Variants in QTMAN observed in about 807,000 individuals in gnomAD.
The protein encoded by QTMAN is queuosine-tRNA mannosyltransferase.
the QTMAN span, among the ~76,000 whole-genome samples, chr2:144,104,864 G>C: frequency 2.0e-5 from 3 of 152,218 alleles, no homozygotes; most frequent in Admixed American, 1.3e-4. Flanking sequence ...CCCCAGTAGG[G>C]GCAGACTGAC....
At chr2:144,087,240 T>C in the QTMAN span, among the ~76,000 whole-genome samples, 6 of 152,230 alleles carry the variant, frequency 3.9e-5, no homozygotes, top group East Asian at 1.2e-3. Context: ...TAGACAAATT[T>C]CTTGAGAAAA....
At chr2:144,305,015 T>C in the QTMAN span, among the ~76,000 whole-genome samples, 1 of 152,236 alleles carries the variant, frequency 6.6e-6, no homozygotes, top group Non-Finnish European at 1.5e-5. Context: ...ATCACAAATA[T>C]AACTGACAAA....
the QTMAN span, among the ~76,000 whole-genome samples, chr2:144,261,337 G>T: frequency 2.6e-5 from 4 of 151,978 alleles, no homozygotes; most frequent in Admixed American, 6.5e-5. Flanking sequence ...TTTCGGGGAG[G>T]GGGGGATGAT....
chr2:143,988,251 G>A, the QTMAN span, among the ~76,000 whole-genome samples: 1 of 152,226 alleles, frequency 6.6e-6, no homozygotes, highest in Non-Finnish European at 1.5e-5. Flanking sequence ...CATAGGTGGT[G>A]CTGCGTCATG....
the QTMAN span, among the ~76,000 whole-genome samples, chr2:143,977,899 C>T: frequency 6.6e-6 from 1 of 152,082 alleles, no homozygotes; most frequent in Admixed American, 6.6e-5. Context: ...TTCCATTTTG[C>T]TTTTTTCTCA....
At chr2:144,321,839 C>T in the QTMAN span, among the ~76,000 whole-genome samples, 89 of 152,154 alleles carry the variant, frequency 5.8e-4, no homozygotes, top group Non-Finnish European at 1.0e-3. Context: ...AATTCCTGGG[C>T]TTAAGCAATC....
chr2:144,104,077 A>C, the QTMAN span, among the ~76,000 whole-genome samples: 1 of 152,196 alleles, frequency 6.6e-6, no homozygotes, highest in Non-Finnish European at 1.5e-5. Context: ...GCAACAGAGC[A>C]AGACTCCATC....
At chr2:144,019,259 T>C in the QTMAN span, among the ~76,000 whole-genome samples, 3 of 152,120 alleles carry the variant, frequency 2.0e-5, no homozygotes, top group East Asian at 3.9e-4. Flanking sequence ...TTTCAATTCC[T>C]ACTAAAATAA....
chr2:143,939,623 T>C, the QTMAN span: 1 of 152,234 alleles, frequency 6.6e-6, no homozygotes, highest in Admixed American at 6.5e-5. Flanking sequence ...TTTCTTCTTC[T>C]TAAGAGCTTA....
chr2:144,298,121 C>T, the QTMAN span, among the ~76,000 whole-genome samples: 1 of 151,600 alleles, frequency 6.6e-6, no homozygotes, highest in Non-Finnish European at 1.5e-5. Flanking sequence ...CAGGTTCACG[C>T]CATTCTCCTG....
At chr2:144,082,500 C>T in the QTMAN span, among the ~76,000 whole-genome samples, 2 of 152,094 alleles carry the variant, frequency 1.3e-5, no homozygotes, top group Admixed American at 6.6e-5. Flanking sequence ...AGATTTCTAA[C>T]CACACTGAAT....
At chr2:144,019,435 G>GGGGGGTGTGTGTGT in the QTMAN span, among the ~76,000 whole-genome samples, 2 of 117,224 alleles carry the variant, frequency 1.7e-5, no homozygotes, top group Non-Finnish European at 3.6e-5. Context: ...TAAGCATGCA[G>GGGGGGTGTGTGTGT]GTGTGTGTGT....
chr2:144,303,324 C>A, the QTMAN span, among the ~76,000 whole-genome samples: 1 of 152,162 alleles, frequency 6.6e-6, no homozygotes, highest in African/African-American at 2.4e-5. Flanking sequence ...TGGACAGGCC[C>A]TTAAGTACCA....
the QTMAN span, among the ~76,000 whole-genome samples, chr2:144,175,422 G>A: frequency 6.6e-6 from 1 of 152,154 alleles, no homozygotes; most frequent in South Asian, 2.1e-4. Context: ...CTATCTCAGA[G>A]GAAGTAGAGA....
At chr2:144,044,351 A>G in the QTMAN span, among the ~76,000 whole-genome samples, 1 of 152,218 alleles carries the variant, frequency 6.6e-6, no homozygotes, top group African/African-American at 2.4e-5. Context: ...TAATTCACAT[A>G]TACTTTTTTT....
chr2:144,016,459 C>CT, the QTMAN span, among the ~76,000 whole-genome samples: 1 of 152,130 alleles, frequency 6.6e-6, no homozygotes, highest in Non-Finnish European at 1.5e-5. Context: ...TTATCTCTTC[C>CT]AAGCAAGAGG....
the QTMAN span, among the ~76,000 whole-genome samples, chr2:144,137,917 G>T: frequency 6.6e-5 from 10 of 151,988 alleles, 1 homozygote; most frequent in Admixed American, 5.9e-4. Context: ...ACTTAACCTC[G>T]CTGCTGTGAA....
At chr2:144,305,896 C>T in the QTMAN span, among the ~76,000 whole-genome samples, 2 of 152,034 alleles carry the variant, frequency 1.3e-5, no homozygotes, top group Admixed American at 6.5e-5. Flanking sequence ...CTGTATATTG[C>T]TATTATACCT....
At chr2:144,017,335 A>T in the QTMAN span, among the ~76,000 whole-genome samples, 1 of 152,152 alleles carries the variant, frequency 6.6e-6, no homozygotes, top group Non-Finnish European at 1.5e-5. Flanking sequence ...TAAAATGAAT[A>T]AAAAAATTTA....
Sources: allele counts gnomAD v4.1 joint callset (sites outside exome capture counted in the v4.1 genomes callset), GRCh38; gene constraint gnomAD v4.1.1; transcripts MANE v1.5; gene names NCBI Gene and HGNC (gene_info 2026-07-23, HGNC 2026-07-21).